NEDD4L: variants seen among roughly 807,000 people sequenced by gnomAD.
The protein encoded by NEDD4L is NEDD4 like E3 ubiquitin protein ligase, also known as E3 ubiquitin-protein ligase NEDD4-like.
Under a neutral mutation model 148.9 loss-of-function variants are expected in NEDD4L, and 54 were observed. The ratio of observed to expected loss-of-function variants is 0.36; its 90% CI spans 0.29 to 0.45. The LOEUF is 0.45. NEDD4L is among the 20% of genes least tolerant of loss of function. The pLI is 1.00. For synonymous variants in NEDD4L, 433 were observed against 440.7 expected (o/e 0.98, Z 0.22); for missense variants, 856 against 1,233.8 (o/e 0.69, Z 4.59).
chr18:58,127,606 G>A (rs577617948), intron 1 of NEDD4L, among the ~76,000 whole-genome samples: 6 of 151,998 alleles, frequency 3.9e-5, no homozygotes, highest in South Asian at 2.1e-4. Context: ...TTGGGAGGCC[G>A]AGGCAGGCGG....
intron 26 of NEDD4L, among the ~76,000 whole-genome samples, chr18:58,386,195 G>A (rs934355833): frequency 1.3e-5 from 2 of 152,126 alleles, no homozygotes; most frequent in African/African-American, 2.4e-5. Context: ...TGGGACTACA[G>A]GCACGCGCCA....
intron 2 of NEDD4L, among the ~76,000 whole-genome samples, chr18:58,228,595 T>C (rs1430543186): frequency 6.6e-6 from 1 of 152,166 alleles, no homozygotes; most frequent in Non-Finnish European, 1.5e-5. Context: ...AAAGGCGAGG[T>C]TGGGACTTTC....
chr18:58,366,939 G>C lies in NEDD4L; in HGVS notation c.2063+711G>C, dbSNP rs1403504173. 1.3e-5 allele frequency among the ~76,000 whole-genome samples: 2 copies of C among 152,200 alleles called. No homozygotes were observed. Among genetic ancestry groups the C allele is most frequent in the Non-Finnish European group, 2.9e-5 (2 of 68,034 alleles). On this transcript the variant is annotated intron_variant, in intron 21 of 30. Coordinates refer to ENST00000400345, the MANE Select transcript of NEDD4L (RefSeq NM_001144967.3). The surrounding 1 kb of genome is among the most constrained non-coding windows in gnomAD (Gnocchi z 4.2). ...TCCCACCTGGTACCAGTCTCCTGGG[G>C]GCTCATTTGGAAGGCCGCCTCAGTA...
chr18:58,333,152 C>T (rs1225273673), intron 11 of NEDD4L, among the ~76,000 whole-genome samples: 2 of 151,742 alleles, frequency 1.3e-5, no homozygotes, highest in Non-Finnish European at 2.9e-5. Context: ...GTGGGGGGGG[C>T]TTGTAGTCCC....
chr18:58,086,178 C>T lies in NEDD4L; in HGVS notation c.48+41470C>T, dbSNP rs140686117. ...GAACATCTGTCATCCAGATCTTTTGCCAGAATATAGAGCCTTGATTGGACA... is the reference window on the plus strand; with the variant it reads ...GAACATCTGTCATCCAGATCTTTTGTCAGAATATAGAGCCTTGATTGGACA... On this transcript the variant is annotated intron_variant, in intron 1 of 30. Coordinates refer to ENST00000400345, the MANE Select transcript of NEDD4L (RefSeq NM_001144967.3). Among the ~76,000 whole-genome samples the T allele has an allele frequency of 9.7e-4, 147 of 152,262 alleles. 1 individual carries two copies. The highest frequency in any genetic ancestry group is 3.3e-3 in the African/African-American group (138 of 41,540).
intron 1 of NEDD4L, among the ~76,000 whole-genome samples, chr18:58,133,367 G>C (rs2032417294): frequency 6.6e-6 from 1 of 152,138 alleles, no homozygotes; most frequent in Admixed American, 6.5e-5. Context: ...AATGAATCTT[G>C]CCCCAGTGAG....
chr18:58,263,858 C>T (rs959246256), intron 5 of NEDD4L, among the ~76,000 whole-genome samples: 5 of 152,072 alleles, frequency 3.3e-5, no homozygotes, highest in Non-Finnish European at 1.5e-5. Flanking sequence ...TCTTCAAATC[C>T]AGGAGGTCTT....
At chr18:58,128,954 G>A (rs752109517) in intron 1 of NEDD4L, among the ~76,000 whole-genome samples, 10 of 152,198 alleles carry the variant, frequency 6.6e-5, no homozygotes, top group African/African-American at 1.9e-4. Flanking sequence ...GCTATGAAGC[G>A]CCTGTCACGC....
At chr18:58,268,793 G>T (rs554407825) in intron 5 of NEDD4L, among the ~76,000 whole-genome samples, 1 of 152,036 alleles carries the variant, frequency 6.6e-6, no homozygotes, top group Non-Finnish European at 1.5e-5. Context: ...TTATCCTCAG[G>T]CTTCTTTAAG....
At chr18:58,379,402 C>T (rs1271885105) in intron 24 of NEDD4L, among the ~76,000 whole-genome samples, 2 of 152,216 alleles carry the variant, frequency 1.3e-5, no homozygotes, top group Non-Finnish European at 2.9e-5. Context: ...ACGGTACCAC[C>T]CGGTGTTCAG....
chr18:58,357,932 C>A (rs2044914773), intron 19 of NEDD4L, among the ~76,000 whole-genome samples: 1 of 152,188 alleles, frequency 6.6e-6, no homozygotes, highest in Admixed American at 6.5e-5. Flanking sequence ...CCACACTCAT[C>A]AGCAGAGAGC....
intron 1 of NEDD4L, among the ~76,000 whole-genome samples, chr18:58,081,212 CTT>C (rs34446805): frequency 4.1e-5 from 5 of 120,860 alleles, no homozygotes; most frequent in African/African-American, 3.9e-5. Context: ...GAACACCACC[CTT>C]TTTTTTTTTT....
chr18:58,360,772 G>GTGTA (rs1555843262), intron 19 of NEDD4L, among the ~76,000 whole-genome samples: 1 of 151,516 alleles, frequency 6.6e-6, no homozygotes, highest in African/African-American at 2.4e-5. Context: ...GTGTGTGTGT[G>GTGTA]TACATGCATG....
intron 19 of NEDD4L, among the ~76,000 whole-genome samples, chr18:58,363,937 C>T (rs1045215514): frequency 6.6e-6 from 1 of 152,094 alleles, no homozygotes; most frequent in Non-Finnish European, 1.5e-5. Context: ...TAAACCACAG[C>T]AAAAAAGAAA....
chr18:58,044,950 C>T (rs1318242057), intron 1 of NEDD4L: 1 of 455,112 alleles, frequency 2.2e-6, no homozygotes, highest in Non-Finnish European at 3.9e-6. Flanking sequence ...GCTGGGGGTT[C>T]ACTCCGCAGC....
intron 5 of NEDD4L, among the ~76,000 whole-genome samples, chr18:58,276,606 T>C (rs2148894645): frequency 6.6e-6 from 1 of 151,984 alleles, no homozygotes; most frequent in East Asian, 1.9e-4. Flanking sequence ...GCAGTAGAGT[T>C]TATGTAAGGA....
In NEDD4L at chr18:58,366,289, A is replaced by G. The variant is rs569003758; in HGVS notation, c.2063+61A>G. The G allele has an allele frequency of 7.7e-5, 95 of 1,229,138 alleles. No homozygotes were observed. The African/African-American group carries it at 1.3e-3, about 17-fold the overall frequency. 76.1% of individuals were successfully genotyped at this position (1,229,138 alleles called of 1,614,324 possible). On this transcript the variant is annotated intron_variant, in intron 21 of 30. Transcript: ENST00000400345. The surrounding 1 kb of genome is among the most constrained non-coding windows in gnomAD (Gnocchi z 4.2). ...CTGAGACAGTTGTATGAATTTAAAC[A>G]GAATGAAAGGATAAGCAGCTCATGA... is the stretch of plus-strand genomic sequence containing the variant.
intron 5 of NEDD4L, among the ~76,000 whole-genome samples, chr18:58,305,807 G>T (rs1225581267): frequency 1.3e-5 from 2 of 148,692 alleles, no homozygotes; most frequent in African/African-American, 4.9e-5. Flanking sequence ...TGGAAAGAAG[G>T]AATTTTTCTT....
intron 5 of NEDD4L, among the ~76,000 whole-genome samples, chr18:58,275,743 G>T (rs901165493): frequency 5.3e-5 from 8 of 152,104 alleles, no homozygotes; most frequent in African/African-American, 1.9e-4. Flanking sequence ...GTTACCCAAC[G>T]GAGATTTGTG....
Sources: allele counts gnomAD v4.1 joint callset (sites outside exome capture counted in the v4.1 genomes callset), GRCh38; gene constraint gnomAD v4.1.1; non-coding constraint Gnocchi (gnomAD v3.1); transcripts MANE v1.5; gene names NCBI Gene and HGNC (gene_info 2026-07-23, HGNC 2026-07-21).